PPFIA2: variants seen among roughly 807,000 people sequenced by gnomAD.
The protein encoded by PPFIA2 is PPFI scaffold protein A2.
In PPFIA2, 46 loss-of-function variants were observed where a neutral mutation model predicts 175.5. The observed-to-expected ratio is 0.26, with a 90% CI of 0.21 to 0.34. The LOEUF is 0.34. Ranked by LOEUF, PPFIA2 falls within the 10% of genes least tolerant of loss-of-function variation. PPFIA2 has a pLI of 1.00. For missense variants in PPFIA2, 1,179 were observed against 1,506.1 expected (o/e 0.78, Z 3.60); for synonymous variants, 568 against 511.4 (o/e 1.11, Z -1.49).
chr12:81,642,766 A>ATAATATATACATACACG lies in PPFIA2; in HGVS notation c.303+34024_303+34025insCGTGTATGTATATATTA. 4.8e-4 allele frequency among the ~76,000 whole-genome samples: 2 copies of ATAATATATACATACACG among 4,182 alleles called. 1 individual carries two copies. Among genetic ancestry groups the ATAATATATACATACACG allele is most frequent in the East Asian group, 4.7e-3 (2 of 422 alleles). The allele number at this position is 4,182 out of a possible 152,430, so 2.7% of individuals were successfully genotyped here. On this transcript the variant is annotated intron_variant, in intron 4 of 32. Coordinates refer to ENST00000549396, the MANE Select transcript of PPFIA2 (RefSeq NM_003625.5). ...GTATGTATTATATACATACATGTAT[A>ATAATATATACATACACG]TGTATGTATGTATTATATACATACA...
intron 15 of PPFIA2, among the ~76,000 whole-genome samples, chr12:81,360,995 A>T (rs1438792709): frequency 6.6e-6 from 1 of 151,698 alleles, no homozygotes; most frequent in Non-Finnish European, 1.5e-5. Context: ...AAAATGAAGC[A>T]GCTTGTAATT....
chr12:81,295,469 C>T (rs776121921), intron 23 of PPFIA2, among the ~76,000 whole-genome samples: 21 of 152,142 alleles, frequency 1.4e-4, no homozygotes, highest in Non-Finnish European at 1.9e-4. Flanking sequence ...TGTCACAGAA[C>T]GAGACAGCTG....
At chr12:81,438,724 A>C (rs2049570596) in intron 7 of PPFIA2, among the ~76,000 whole-genome samples, 1 of 152,140 alleles carries the variant, frequency 6.6e-6, no homozygotes, top group Non-Finnish European at 1.5e-5. Flanking sequence ...TACTTGTGAT[A>C]ATTTGATACA....
At chr12:81,373,518 C>G (rs537491141) in intron 11 of PPFIA2, among the ~76,000 whole-genome samples, 1 of 151,924 alleles carries the variant, frequency 6.6e-6, no homozygotes, top group South Asian at 2.1e-4. Context: ...GACTACAGAA[C>G]GATCCAAATT....
At chr12:81,326,952 T>C (rs1174683211) in intron 21 of PPFIA2, among the ~76,000 whole-genome samples, 1 of 152,124 alleles carries the variant, frequency 6.6e-6, no homozygotes, top group African/African-American at 2.4e-5. Context: ...TCTCTCATTG[T>C]AGTGGACACT....
intron 4 of PPFIA2, among the ~76,000 whole-genome samples, chr12:81,587,586 T>C (rs1342395270): frequency 1.3e-5 from 2 of 152,028 alleles, no homozygotes; most frequent in Admixed American, 1.3e-4. Flanking sequence ...TTTGAAAATA[T>C]AAAAGGAAAA....
intron 28 of PPFIA2, among the ~76,000 whole-genome samples, chr12:81,274,972 T>A (rs2040144602): frequency 6.6e-6 from 1 of 152,158 alleles, no homozygotes; most frequent in African/African-American, 2.4e-5. Context: ...GGGTAATTCC[T>A]CTCCTTTAGA....
At chr12:81,737,977 C>G (rs889128163) in intron 3 of PPFIA2, among the ~76,000 whole-genome samples, 1 of 151,212 alleles carries the variant, frequency 6.6e-6, no homozygotes, top group African/African-American at 2.4e-5. Context: ...TTTTCCAAAC[C>G]AATAAATGGC....
intron 4 of PPFIA2, among the ~76,000 whole-genome samples, chr12:81,469,075 C>T (rs1442676902): frequency 1.3e-5 from 2 of 152,100 alleles, no homozygotes; most frequent in Non-Finnish European, 2.9e-5. Flanking sequence ...TAACATGACA[C>T]GGTGTCATCA....
chr12:81,703,525 A>G (rs1364521287), intron 3 of PPFIA2, among the ~76,000 whole-genome samples: 1 of 152,090 alleles, frequency 6.6e-6, no homozygotes, highest in African/African-American at 2.4e-5. Context: ...CTTGTAACAG[A>G]AAAACTAAAA....
chr12:81,258,736 G>A lies in PPFIA2; in HGVS notation c.*958C>T, dbSNP rs552523530. ...ATTGACAAAAGGGAAAGGTATCTTG[G>A]GTTTCGTTTTCTCTAGTGGAAATGA... On this transcript the variant is annotated 3_prime_UTR_variant, in exon 33 of 33. Transcript: ENST00000549396. The A allele has an allele frequency of 4.0e-4, 61 of 152,090 alleles. No individual in the cohort carries two copies. Among genetic ancestry groups the A allele is most frequent in the African/African-American group, 1.4e-3 (60 of 41,512 alleles). The allele number at this position is 152,090 out of a possible 1,614,324, so 9.4% of individuals were successfully genotyped here.
chr12:81,564,917 T>A (rs2070964223), intron 4 of PPFIA2, among the ~76,000 whole-genome samples: 1 of 152,136 alleles, frequency 6.6e-6, no homozygotes, highest in Non-Finnish European at 1.5e-5. Flanking sequence ...CAAGCTCTTA[T>A]CATACAAGTG....
At chr12:81,507,762 A>G (rs1290795393) in intron 4 of PPFIA2, among the ~76,000 whole-genome samples, 1 of 152,190 alleles carries the variant, frequency 6.6e-6, no homozygotes, top group Non-Finnish European at 1.5e-5. Context: ...CTTTTAAAAC[A>G]TAAAACATAT....
At chr12:81,677,086 C>T (rs1238150230) in intron 3 of PPFIA2, among the ~76,000 whole-genome samples, 1 of 151,762 alleles carries the variant, frequency 6.6e-6, no homozygotes, top group Non-Finnish European at 1.5e-5. Context: ...TTTAAATATG[C>T]AGAAGTTTCA....
chr12:81,488,541 A>C (rs1031589024), intron 4 of PPFIA2, among the ~76,000 whole-genome samples: 2 of 151,596 alleles, frequency 1.3e-5, no homozygotes, highest in African/African-American at 4.8e-5. Flanking sequence ...GAATTCTGTC[A>C]CTCACTCAAA....
intron 21 of PPFIA2, among the ~76,000 whole-genome samples, chr12:81,329,593 G>A (rs1167333681): frequency 6.6e-6 from 1 of 152,088 alleles, no homozygotes; most frequent in Non-Finnish European, 1.5e-5. Flanking sequence ...GGGAGCGAGG[G>A]ATCCAATTGC....
At chr12:81,675,707 T>C (rs543340943) in intron 4 of PPFIA2, 2 of 152,020 alleles carry the variant, frequency 1.3e-5, no homozygotes, top group Non-Finnish European at 1.5e-5. Context: ...CTGAAATACT[T>C]AGGTAAAAGA....
intron 11 of PPFIA2, among the ~76,000 whole-genome samples, chr12:81,373,332 G>T (rs1240267512): frequency 2.0e-5 from 3 of 151,784 alleles, no homozygotes; most frequent in Admixed American, 2.0e-4. Context: ...TAGATGAAAG[G>T]CCTAATTATG....
intron 14 of PPFIA2, among the ~76,000 whole-genome samples, chr12:81,363,115 T>A (rs1405408551): frequency 6.6e-6 from 1 of 151,406 alleles, no homozygotes; most frequent in Non-Finnish European, 1.5e-5. Context: ...ATAAAGAAAA[T>A]GTCTTATTTA....
Sources: allele counts gnomAD v4.1 joint callset (sites outside exome capture counted in the v4.1 genomes callset), GRCh38; gene constraint gnomAD v4.1.1; transcripts MANE v1.5; gene names NCBI Gene and HGNC (gene_info 2026-07-23, HGNC 2026-07-21).